ARHGEF7: variants seen among roughly 807,000 people sequenced by gnomAD.
ARHGEF7 encodes PAK-interacting exchange factor beta.
Under a neutral mutation model 109.8 loss-of-function variants are expected in ARHGEF7, and 33 were observed. The ratio of observed to expected loss-of-function variants is 0.30; its 90% CI spans 0.23 to 0.40. ARHGEF7 has a LOEUF of 0.40. Among genes scored for constraint, ARHGEF7 ranks in the 10% least tolerant of loss-of-function variants. The pLI, the probability that ARHGEF7 is intolerant of heterozygous loss-of-function variation, is 1.00. For synonymous variants in ARHGEF7, 458 were observed against 424.6 expected, an observed-to-expected ratio of 1.08 and a Z score of -0.97; for missense variants, 938 against 1,098.5, an observed-to-expected ratio of 0.85 and a Z score of 2.07.
rs2091657355 is a variant in ARHGEF7, at chr13:111,266,548, C to CT, written c.951-993dup. The stretch of plus-strand genomic sequence containing the variant: ...TTTTCTCCTTTGCTCCTTCATTCCC[C>CT]TTTTTTTAGGCAAATGTATTTGTCC... On this transcript the variant is annotated intron_variant, in intron 8 of 21. Coordinates refer to ENST00000646102, the MANE Select transcript of ARHGEF7 (RefSeq NM_001354046.2). The surrounding 1 kb of genome is among the most constrained non-coding windows in gnomAD (Gnocchi z 4.8). Among the ~76,000 whole-genome samples the CT allele has an allele frequency of 6.6e-6, 1 of 152,080 alleles. No homozygotes were observed. Among genetic ancestry groups the CT allele is most frequent in the Non-Finnish European group, 1.5e-5 (1 of 68,004 alleles).
chr13:111,197,951 G>A (rs1055121483), intron 2 of ARHGEF7, among the ~76,000 whole-genome samples: 7 of 152,138 alleles, frequency 4.6e-5, no homozygotes, highest in African/African-American at 1.7e-4. Flanking sequence ...TAGGATAGAT[G>A]GGCGAGTCTC....
intron 2 of ARHGEF7, among the ~76,000 whole-genome samples, chr13:111,175,566 G>A (rs928266079): frequency 6.6e-5 from 10 of 152,186 alleles, no homozygotes; most frequent in African/African-American, 2.2e-4. Context: ...GTGAGCTTTT[G>A]GGGGAAGGAC....
chr13:111,129,066 T>C (rs2074603369), intron 1 of ARHGEF7, among the ~76,000 whole-genome samples: 1 of 152,152 alleles, frequency 6.6e-6, no homozygotes, highest in Non-Finnish European at 1.5e-5. Context: ...CTTAAAGACA[T>C]AGACAACTGA....
intron 4 of ARHGEF7, among the ~76,000 whole-genome samples, chr13:111,214,316 G>A (rs150079867): frequency 6.6e-6 from 1 of 152,338 alleles, no homozygotes; most frequent in Non-Finnish European, 1.5e-5. Context: ...CCCTGGTGCT[G>A]GCTGGAGCCT....
intron 6 of ARHGEF7, among the ~76,000 whole-genome samples, chr13:111,235,105 T>G (rs1463572131): frequency 6.6e-6 from 1 of 152,222 alleles, no homozygotes; most frequent in African/African-American, 2.4e-5. Context: ...GGGGAAGGCT[T>G]CATGTGGTGA....
intron 13 of ARHGEF7, among the ~76,000 whole-genome samples, chr13:111,278,981 T>C (rs1403667191): frequency 1.3e-5 from 2 of 152,218 alleles, no homozygotes; most frequent in African/African-American, 2.4e-5. Flanking sequence ...TGGTGACCCA[T>C]GGTCTCTGTA....
intron 19 of ARHGEF7, chr13:111,293,436 TAA>T (rs11319592): frequency 0.075 from 63,904 of 848,912 alleles, 64 homozygotes; most frequent in Middle Eastern, 0.099. Flanking sequence ...CTCACTTATT[TAA>T]AAAAAAAAAA....
At chr13:111,241,767 A>G (rs570892826) in intron 6 of ARHGEF7, among the ~76,000 whole-genome samples, 11 of 152,318 alleles carry the variant, frequency 7.2e-5, no homozygotes, top group African/African-American at 2.6e-4. Flanking sequence ...GAAAATAAGT[A>G]TATAGGTCTT....
At chr13:111,302,176 C>A (rs981505969) in intron 21 of ARHGEF7, among the ~76,000 whole-genome samples, 9 of 152,138 alleles carry the variant, frequency 5.9e-5, no homozygotes, top group Non-Finnish European at 1.2e-4. Flanking sequence ...GGTTAGCGAG[C>A]CAGAAGTGGC....
At chr13:111,114,883 G>C (rs973772357), upstream of ARHGEF7, 1 of 152,222 alleles carries the variant, frequency 6.6e-6, no homozygotes, top group Non-Finnish European at 1.5e-5. Context: ...GTAGCAAAGC[G>C]AAACAAACGT....
chr13:111,193,697 T>A, intron 2 of ARHGEF7, among the ~76,000 whole-genome samples: 1 of 152,262 alleles, frequency 6.6e-6, no homozygotes, highest in East Asian at 1.9e-4. Flanking sequence ...CTTTCAAGTG[T>A]CGTTACATCA....
intron 8 of ARHGEF7, among the ~76,000 whole-genome samples, chr13:111,245,068 G>A (rs1169229613): frequency 6.6e-6 from 1 of 152,230 alleles, no homozygotes; most frequent in East Asian, 1.9e-4. Context: ...AGTGTTGGTT[G>A]TGTGACGTGC....
intron 2 of ARHGEF7, among the ~76,000 whole-genome samples, chr13:111,180,082 A>C (rs2078590604): frequency 6.6e-6 from 1 of 152,136 alleles, no homozygotes; most frequent in South Asian, 2.1e-4. Flanking sequence ...ATGGTGGTTC[A>C]GGTGGTTCTC....
rs2153594997 is a variant in ARHGEF7 at position 111,273,001 on chromosome 13, A to T, written c.1074-813A>T. Among the ~76,000 whole-genome samples the T allele has an allele frequency of 6.6e-6, 1 of 152,232 alleles. No individual in the cohort carries two copies. The highest frequency in any genetic ancestry group is 2.1e-4 in the South Asian group (1 of 4,820). On this transcript the variant is annotated intron_variant, in intron 9 of 21. Transcript: ENST00000646102. This position sits in a 1 kb window ranked among gnomAD's most constrained non-coding sequence, Gnocchi z 4.5. ...CACTGTAGGGAAAGATAGGCGAGGC[A>T]CTGTGAAGGGGATGGTTGAAGAGGA...
At chr13:111,286,289 T>A (rs1184286332) in intron 17 of ARHGEF7, 49 bp downstream of exon 17, 1 of 1,466,772 alleles carries the variant, frequency 6.8e-7, no homozygotes, top group Middle Eastern at 2.2e-4. Flanking sequence ...CCTGGTCACG[T>A]AGGCCATGGC....
intron 5 of ARHGEF7, among the ~76,000 whole-genome samples, chr13:111,226,243 G>A (rs1392391735): frequency 6.6e-6 from 1 of 152,218 alleles, no homozygotes; most frequent in Non-Finnish European, 1.5e-5. Flanking sequence ...GGAGGTTAGT[G>A]CATGAGGTTG....
chr13:111,282,164 G>T (rs1040795077), intron 15 of ARHGEF7, among the ~76,000 whole-genome samples: 1 of 141,562 alleles, frequency 7.1e-6, no homozygotes. Context: ...GAAGTTGATG[G>T]CTTCTATTCT....
rs146253372 is a variant in ARHGEF7, at chr13:111,274,743, G to A, written c.1225G>A (p.Asp409Asn). Reference protein sequence around the residue: ...LERHMEDYHTDRQDIQKSMAA... With the variant: ...LERHMEDYHTNRQDIQKSMAA... ...CTTTTACTCAAAGGATTATCATACAGATAGACAAGATATTCAAAAATCCAT... is the reference window on the plus strand; with the variant it reads ...CTTTTACTCAAAGGATTATCATACAAATAGACAAGATATTCAAAAATCCAT... Residue 409 changes from aspartate (D) to asparagine (N), a missense_variant, in exon 11 of 22, where the codon GAT becomes AAT. By Grantham distance (23) the Asp-to-Asn change is conservative (BLOSUM62 1). Transcript: ENST00000646102. 17 of 1,493,168 alleles carry A rather than the reference G, an allele frequency of 1.1e-5. No individual in the cohort carries two copies. Among genetic ancestry groups the A allele is most frequent in the African/African-American group, 1.0e-4 (7 of 69,308 alleles). The allele number at this position is 1,493,168 out of a possible 1,614,324, so 92.5% of individuals were successfully genotyped here. A position where few individuals can be genotyped will look rare whatever the true frequency, so the allele number is the denominator to read the frequency against.
chr13:111,301,967 AAAATAATTGGTTGTCTCT>A (rs1311315836), intron 21 of ARHGEF7, among the ~76,000 whole-genome samples: 1 of 152,254 alleles, frequency 6.6e-6, no homozygotes, highest in African/African-American at 2.4e-5. Flanking sequence ...TCCAGCAGAT[AAAATAATTGGTTGTCTCT>A]AAAGTGACTT....
Sources: allele counts gnomAD v4.1 joint callset (sites outside exome capture counted in the v4.1 genomes callset), GRCh38; gene constraint gnomAD v4.1.1; non-coding constraint Gnocchi (gnomAD v3.1); transcripts MANE v1.5; gene names NCBI Gene and HGNC (gene_info 2026-07-23, HGNC 2026-07-21).